ITGA9: variants seen among roughly 807,000 people sequenced by gnomAD.
ITGA9 encodes integrin alpha-9.
In ITGA9, 56 loss-of-function variants were observed where a neutral mutation model predicts 127.8. That is an observed-to-expected ratio of 0.44 (90% CI 0.35 to 0.55). ITGA9 has a LOEUF of 0.55. Among genes scored for constraint, ITGA9 ranks in the 20% least tolerant of loss-of-function variants. The pLI is 0.00. For synonymous variants in ITGA9, 508 were observed against 514.5 expected, an observed-to-expected ratio of 0.99 and a Z score of 0.17; for missense variants, 1,196 against 1,347.1, an observed-to-expected ratio of 0.89 and a Z score of 1.76.
intron 19 of ITGA9, among the ~76,000 whole-genome samples, chr3:37,735,974 T>A (rs9814306): frequency 0.78 from 118,854 of 152,180 alleles, 47,265 homozygotes; most frequent in African/African-American, 0.94. Flanking sequence ...TTCAAGGTCA[T>A]GGTCCCGGCA....
chr3:37,563,901 C>G (rs1042727776), intron 15 of ITGA9, among the ~76,000 whole-genome samples: 1 of 152,196 alleles, frequency 6.6e-6, no homozygotes, highest in Non-Finnish European at 1.5e-5. Flanking sequence ...CTTGATGAGA[C>G]CCAGATCCCT....
chr3:37,733,414 G>A (rs1157764448), intron 19 of ITGA9, among the ~76,000 whole-genome samples: 1 of 140,962 alleles, frequency 7.1e-6, no homozygotes, highest in Non-Finnish European at 1.5e-5. Context: ...TAGGTAAAAA[G>A]ATGTGGTGAT....
chr3:37,699,660 A>G (rs1360251758), intron 18 of ITGA9, among the ~76,000 whole-genome samples: 1 of 152,070 alleles, frequency 6.6e-6, no homozygotes, highest in Non-Finnish European at 1.5e-5. Context: ...TTCTCATCTC[A>G]TTGTAAAGCT....
chr3:37,629,587 C>T lies in ITGA9; in HGVS notation c.1839+251C>T, dbSNP rs191392341. ...AGGCTGTTAGAAGTTACAATCCCCTCGAGTTCGTGAACTGGCTGGCCACTT... is the reference window on the plus strand; with the variant it reads ...AGGCTGTTAGAAGTTACAATCCCCTTGAGTTCGTGAACTGGCTGGCCACTT... On this transcript the variant is annotated intron_variant, in intron 16 of 27. Coordinates refer to ENST00000264741, the MANE Select transcript of ITGA9 (RefSeq NM_002207.3). This position sits in a 1 kb window ranked among gnomAD's most constrained non-coding sequence, Gnocchi z 4.5. 3.3e-4 allele frequency: 201 copies of T among 614,464 alleles called. 3 individuals are homozygous for T. The East Asian group carries it at 4.3e-3, about 13-fold the overall frequency. 38.1% of individuals were successfully genotyped at this position (614,464 alleles called of 1,614,324 possible). A position where few individuals can be genotyped will look rare whatever the true frequency, so the allele number is the denominator to read the frequency against.
intron 17 of ITGA9, among the ~76,000 whole-genome samples, chr3:37,661,463 C>G (rs895156639): frequency 6.6e-6 from 1 of 152,172 alleles, no homozygotes; most frequent in Non-Finnish European, 1.5e-5. Flanking sequence ...TTCATTGATA[C>G]TTAGATAACA....
chr3:37,760,861 G>A (rs1321787761), intron 23 of ITGA9, among the ~76,000 whole-genome samples: 2 of 151,976 alleles, frequency 1.3e-5, no homozygotes, highest in African/African-American at 4.8e-5. Flanking sequence ...ACATCATAAG[G>A]GAAAAGATAT....
rs1699285880 is a variant in ITGA9, at chr3:37,542,597, C to T, written c.1689+12C>T. On this transcript the variant is annotated intron_variant, in intron 15 of 27. Transcript: ENST00000264741. Reference sequence around the variant, plus strand: ...TGGCCCATGTGAAGGTCAGTCCTCTCCTCCTTTTTATCCTCAAACTTTGAT... The same window carrying T: ...TGGCCCATGTGAAGGTCAGTCCTCTTCTCCTTTTTATCCTCAAACTTTGAT... 6.2e-7 allele frequency: 1 copy of T among 1,613,914 alleles called. No homozygotes were observed. Among genetic ancestry groups the T allele is most frequent in the Non-Finnish European group, 8.5e-7 (1 of 1,179,830 alleles).
intron 16 of ITGA9, among the ~76,000 whole-genome samples, chr3:37,635,281 T>C (rs1398046020): frequency 1.3e-5 from 2 of 152,216 alleles, no homozygotes; most frequent in African/African-American, 2.4e-5. Flanking sequence ...TTATTGGTTT[T>C]CAATATTTAT....
chr3:37,521,482 G>A (rs969005286), intron 11 of ITGA9, among the ~76,000 whole-genome samples: 10 of 152,160 alleles, frequency 6.6e-5, no homozygotes, highest in African/African-American at 1.4e-4. Flanking sequence ...GGCATATGGC[G>A]GCCCCTATGA....
At chr3:37,769,348 A>G (rs1189657896) in intron 23 of ITGA9, among the ~76,000 whole-genome samples, 1 of 152,112 alleles carries the variant, frequency 6.6e-6, no homozygotes, top group East Asian at 1.9e-4. Context: ...CAAAAAAAAA[A>G]AAAAAAAAGC....
chr3:37,663,635 C>A (rs1037102774), intron 17 of ITGA9, among the ~76,000 whole-genome samples: 17 of 152,180 alleles, frequency 1.1e-4, no homozygotes, highest in Non-Finnish European at 2.2e-4. Context: ...TCAAAAGTGG[C>A]AGAATGGTTA....
intron 9 of ITGA9, among the ~76,000 whole-genome samples, chr3:37,516,388 A>G (rs1002030374): frequency 2.0e-5 from 3 of 152,172 alleles, no homozygotes; most frequent in African/African-American, 7.2e-5. Context: ...GATGTGGACA[A>G]ATGGCTTGAA....
chr3:37,811,003 C>T (rs1018290984), intron 27 of ITGA9, among the ~76,000 whole-genome samples: 5 of 152,208 alleles, frequency 3.3e-5, no homozygotes, highest in African/African-American at 1.2e-4. Flanking sequence ...CATCTGCTGG[C>T]ATCTCAGGCA....
At chr3:37,634,058 C>T (rs1236765442) in intron 16 of ITGA9, among the ~76,000 whole-genome samples, 1 of 151,672 alleles carries the variant, frequency 6.6e-6, no homozygotes, top group African/African-American at 2.4e-5. Flanking sequence ...TTTTGTAAGC[C>T]TCATGGTAAC....
chr3:37,784,912 C>T, intron 25 of ITGA9, 65 bp from the exon 26 acceptor site: 1 of 1,330,984 alleles, frequency 7.5e-7, no homozygotes, highest in Middle Eastern at 1.8e-4. Flanking sequence ...TCTGCCCAGT[C>T]CCTCTCAAGG....
intron 3 of ITGA9, among the ~76,000 whole-genome samples, chr3:37,473,978 G>T (rs1698464168): frequency 1.3e-5 from 2 of 152,116 alleles, no homozygotes; most frequent in South Asian, 2.1e-4. Context: ...CCTACAGTAT[G>T]TGCTCTTTTA....
intron 15 of ITGA9, among the ~76,000 whole-genome samples, chr3:37,616,742 C>A (rs1700078702): frequency 6.6e-6 from 1 of 152,162 alleles, no homozygotes; most frequent in Non-Finnish European, 1.5e-5. Flanking sequence ...CTCTTCTGAT[C>A]TTTGTTGGTT....
chr3:37,490,229 G>C (rs1698655883), intron 4 of ITGA9, among the ~76,000 whole-genome samples: 1 of 152,160 alleles, frequency 6.6e-6, no homozygotes, highest in South Asian at 2.1e-4. Context: ...ATTAGAACTG[G>C]CGGGAAAGTT....
At chr3:37,635,346 C>G (rs928729393) in intron 16 of ITGA9, among the ~76,000 whole-genome samples, 1 of 152,062 alleles carries the variant, frequency 6.6e-6, no homozygotes, top group Non-Finnish European at 1.5e-5. Flanking sequence ...TGTCATTAAA[C>G]TTGATTATAT....
Sources: gnomAD v4.1 joint callset for allele counts (sites outside exome capture counted in the v4.1 genomes callset) on GRCh38, gnomAD v4.1.1 for gene constraint, Gnocchi (gnomAD v3.1) non-coding constraint, MANE v1.5 for transcripts, NCBI Gene and HGNC (gene_info 2026-07-23, HGNC 2026-07-21) for gene names.